The following ZFHX3 variants were observed in gnomAD, a reference collection of about 807,000 sequenced individuals.
The protein encoded by ZFHX3 is zinc finger homeobox 3.
Under a neutral mutation model 279.1 loss-of-function variants are expected in ZFHX3, and 42 were observed. That is an observed-to-expected ratio of 0.15 (90% CI 0.12 to 0.19). ZFHX3 has a LOEUF of 0.19. Among genes scored for constraint, ZFHX3 ranks in the 10% least tolerant of loss-of-function variants. The probability of loss-of-function intolerance (pLI) is 1.00; values close to 1 mark genes in which losing one functional copy is unlikely to be tolerated. For synonymous variants in ZFHX3, 2,293 were observed against 1,957.8 expected, an observed-to-expected ratio of 1.17 and a Z score of -4.52; for missense variants, 4,981 against 4,754.0, an observed-to-expected ratio of 1.05 and a Z score of -1.40.
intron 2 of ZFHX3, chr16:73,679,983 A>G (rs1417422157): frequency 2.0e-5 from 3 of 152,232 alleles, no homozygotes; most frequent in Admixed American, 6.5e-5. Context: ...AATTCATGCC[A>G]GAAAGATACA....
At chr16:73,458,784 T>C (rs1256864777) in intron 2 of ZFHX3, among the ~76,000 whole-genome samples, 1 of 152,198 alleles carries the variant, frequency 6.6e-6, no homozygotes, top group Non-Finnish European at 1.5e-5. Flanking sequence ...TGATTTCCGA[T>C]TGTCTGCTCT....
At chr16:73,733,490 G>A (rs1162448451) in intron 1 of ZFHX3, among the ~76,000 whole-genome samples, 2 of 152,068 alleles carry the variant, frequency 1.3e-5, no homozygotes, top group African/African-American at 4.8e-5. Context: ...ACTAATTGAA[G>A]TACAAACAAT....
intron 4 of ZFHX3, among the ~76,000 whole-genome samples, chr16:73,280,827 C>T (rs1046079055): frequency 6.6e-6 from 1 of 151,792 alleles, no homozygotes; most frequent in African/African-American, 2.4e-5. Flanking sequence ...ACTAAAAATA[C>T]AAAAAATGAT....
intron 2 of ZFHX3, among the ~76,000 whole-genome samples, chr16:73,568,520 A>G (rs1308976250): frequency 6.6e-6 from 1 of 152,144 alleles, no homozygotes; most frequent in East Asian, 1.9e-4. Flanking sequence ...TGCTACACCC[A>G]AAAATCAACC....
At chr16:73,075,355 A>C (rs1265689711) in intron 8 of ZFHX3, among the ~76,000 whole-genome samples, 1 of 152,132 alleles carries the variant, frequency 6.6e-6, no homozygotes, top group African/African-American at 2.4e-5. Context: ...GAGAGGGGAC[A>C]TAATATCTAC....
At chr16:72,826,528 C>G (rs2036933893) in intron 5 of ZFHX3, among the ~76,000 whole-genome samples, 1 of 152,052 alleles carries the variant, frequency 6.6e-6, no homozygotes, top group Admixed American at 6.5e-5. Flanking sequence ...TAATAAGGAT[C>G]CAGAAGAAAG....
At chr16:72,882,982 GTGTGT>G (rs2038526050) in intron 4 of ZFHX3, among the ~76,000 whole-genome samples, 4 of 20,802 alleles carry the variant, frequency 1.9e-4, no homozygotes, top group African/African-American at 2.8e-4. Context: ...TCTGGGGTGT[GTGTGT>G]GTGTGTGTGT....
intron 1 of ZFHX3, among the ~76,000 whole-genome samples, chr16:72,974,140 G>A (rs558601297): frequency 4.3e-4 from 65 of 152,324 alleles, no homozygotes; most frequent in South Asian, 6.2e-4. Flanking sequence ...GCAGTTTGGG[G>A]AATGCAGGCA....
chr16:72,949,911 C>CTTTTTT lies in ZFHX3; in HGVS notation c.3216+552_3216+557dup, dbSNP rs774934563. On this transcript the variant is annotated intron_variant, in intron 3 of 9. Transcript: ENST00000268489. Reference sequence around the variant, plus strand: ...TCTATGAGGGCAGGGATTTTCTTTTCTTTTTTTTTTTTTTTTTTGGTCAGA... The same window carrying CTTTTTT: ...TCTATGAGGGCAGGGATTTTCTTTTCTTTTTTTTTTTTTTTTTTTTTTTTGGTCAGA... 2.3e-3 allele frequency among the ~76,000 whole-genome samples: 261 copies of CTTTTTT among 115,814 alleles called. 1 individual carries two copies. The highest frequency in any genetic ancestry group is 5.1e-3 in the Middle Eastern group (1 of 198). 76.0% of individuals were successfully genotyped at this position (115,814 alleles called of 152,430 possible).
At position 72,975,594 on chromosome 16, in the gene ZFHX3, C is replaced by G. The variant is rs150531942; in HGVS notation, c.-49-15400G>C. On this transcript the variant is annotated intron_variant, in intron 1 of 9. Transcript: ENST00000268489. ...CATTATTTGCACTGTTACTTTTAATCAAGAAATCCATATTGAGACATACTT... is the reference window on the plus strand; with the variant it reads ...CATTATTTGCACTGTTACTTTTAATGAAGAAATCCATATTGAGACATACTT... 4.9e-3 allele frequency among the ~76,000 whole-genome samples: 748 copies of G among 152,286 alleles called. 7 individuals are homozygous for G. Among genetic ancestry groups the G allele is most frequent in the Non-Finnish European group, 5.5e-3 (374 of 68,016 alleles).
intron 3 of ZFHX3, among the ~76,000 whole-genome samples, chr16:72,905,660 G>A (rs143656150): frequency 1.6e-3 from 238 of 152,214 alleles, no homozygotes; most frequent in African/African-American, 5.2e-3. Flanking sequence ...CACCTTTGCA[G>A]ATAAAAAGAA....
chr16:73,560,734 A>G (rs1038294828), intron 2 of ZFHX3, among the ~76,000 whole-genome samples: 1 of 152,242 alleles, frequency 6.6e-6, no homozygotes, highest in African/African-American at 2.4e-5. Context: ...TAAGATCTCC[A>G]TAATCAGGAG....
chr16:72,803,078 T>A (rs1200944998), intron 7 of ZFHX3, among the ~76,000 whole-genome samples: 3 of 152,140 alleles, frequency 2.0e-5, no homozygotes, highest in Non-Finnish European at 4.4e-5. Context: ...AAGCCTGTAA[T>A]CCCAGCACTT....
intron 1 of ZFHX3, among the ~76,000 whole-genome samples, chr16:73,841,897 T>C (rs1961318086): frequency 6.6e-6 from 1 of 152,120 alleles, no homozygotes; most frequent in Admixed American, 6.5e-5. Context: ...CCCAACTTCA[T>C]GACTTTTCAT....
chr16:73,362,880 T>C (rs938799998), intron 3 of ZFHX3, among the ~76,000 whole-genome samples: 7 of 152,260 alleles, frequency 4.6e-5, no homozygotes, highest in African/African-American at 1.4e-4. Flanking sequence ...TCTTTAGTTA[T>C]CATGCTTAGT....
At chr16:73,483,341 G>C (rs2018906351) in intron 2 of ZFHX3, 1 of 415,108 alleles carries the variant, frequency 2.4e-6, no homozygotes, top group Admixed American at 2.7e-5. Flanking sequence ...GAGAGACAGA[G>C]AGAGAGAGAA....
rs918401044 is a variant in ZFHX3 at position 72,848,689 on chromosome 16, G to T, written c.3449-18830C>A. ...AACACCTCCTGGCCTGCCAGTGCCT[G>T]CCCCTCTTGCCCGCCCTCCTGATCA... On this transcript the variant is annotated intron_variant, in intron 4 of 9. Coordinates refer to ENST00000268489, the MANE Select transcript of ZFHX3 (RefSeq NM_006885.4). 8.2e-5 allele frequency among the ~76,000 whole-genome samples: 11 copies of T among 133,840 alleles called. No individual in the cohort carries two copies. The Admixed American group carries it at 9.4e-4, about 11-fold the overall frequency. 87.8% of individuals were successfully genotyped at this position (133,840 alleles called of 152,430 possible). A position where few individuals can be genotyped will look rare whatever the true frequency, so the allele number is the denominator to read the frequency against.
At chr16:73,074,928 T>C (rs1165755182) in intron 8 of ZFHX3, among the ~76,000 whole-genome samples, 2 of 152,010 alleles carry the variant, frequency 1.3e-5, no homozygotes, top group Admixed American at 1.3e-4. Context: ...CTAATTAGCC[T>C]CCCAAGTAGC....
At chr16:73,281,043 A>AG (rs1432316900) in intron 4 of ZFHX3, among the ~76,000 whole-genome samples, 1 of 45,022 alleles carries the variant, frequency 2.2e-5, no homozygotes, top group African/African-American at 7.1e-5. Flanking sequence ...AGGGGAGGGG[A>AG]GGGGAGGGGA....
Sources: allele counts gnomAD v4.1 joint callset (sites outside exome capture counted in the v4.1 genomes callset), GRCh38; gene constraint gnomAD v4.1.1; transcripts MANE v1.5; gene names NCBI Gene and HGNC (gene_info 2026-07-23, HGNC 2026-07-21).